Variants in ADNP2 observed in about 807,000 individuals in gnomAD.
ADNP2 encodes the protein ADNP homeobox 2, also known as activity-dependent neuroprotector homeobox protein 2.
In ADNP2, 8 loss-of-function variants were observed where a neutral mutation model predicts 16.4. The observed-to-expected ratio is 0.49, with a 90% confidence interval of 0.29 to 0.88. ADNP2 has a LOEUF of 0.88. Among genes scored for constraint, ADNP2 ranks in the 40% least tolerant of loss-of-function variants. The pLI is 0.09. For synonymous variants in ADNP2, 637 were observed against 545.8 expected (o/e 1.17, Z -2.33); for missense variants, 1,397 against 1,395.1 (o/e 1.00, Z -0.02).
At chr18:80,122,214 C>T (rs1013881526) in intron 2 of ADNP2, among the ~76,000 whole-genome samples, 1 of 152,144 alleles carries the variant, frequency 6.6e-6, no homozygotes, top group African/African-American at 2.4e-5. Flanking sequence ...GCCACTGTGC[C>T]CGGCACCTAT....
chr18:80,137,254 C>T lies in ADNP2; in HGVS notation c.1841C>T (p.Thr614Ile). ...PTGKQVNGIPTYTLAPVSVTL... is the reference protein window; with the variant it reads ...PTGKQVNGIPIYTLAPVSVTL... Reference sequence around the variant, plus strand: ...GGGAAACAAGTGAATGGGATTCCAACCTACACGCTGGCCCCCGTGTCTGTC... The same window carrying T: ...GGGAAACAAGTGAATGGGATTCCAATCTACACGCTGGCCCCCGTGTCTGTC... Residue 614 changes from threonine to isoleucine, a missense_variant, in exon 4 of 4, where the codon ACC becomes ATC. Around this residue, in one of 3 missense-constraint regions of ADNP2, gnomAD observed 611 missense variants for 648.7 expected, o/e 0.94. Transcript: ENST00000262198. This position sits in a 1 kb window ranked among gnomAD's most constrained non-coding sequence, Gnocchi z 4.2. 6.2e-7 allele frequency: 1 copy of T among 1,614,176 alleles called. No homozygotes were observed. The highest frequency in any genetic ancestry group is 8.5e-7 in the Non-Finnish European group (1 of 1,180,038).
chr18:80,135,626 G>A lies in ADNP2; in HGVS notation c.213G>A (p.Lys71=), dbSNP rs2052526501. The change falls in exon 4 of 4, where the codon AAG becomes AAA. Residue 71 remains lysine (K), a synonymous_variant. Coordinates refer to ENST00000262198, the MANE Select transcript of ADNP2 (RefSeq NM_014913.4). ...TCTTTTAACAGAGATATCGAACAAAGCCATACTGTTGTGGCCTCTGTAAAT... is the reference window on the plus strand; with the variant it reads ...TCTTTTAACAGAGATATCGAACAAAACCATACTGTTGTGGCCTCTGTAAAT... ...PSGKKVRYRT[K]PYCCGLCKYS... is the part of the protein sequence containing the mutation. 1 of 1,612,324 alleles carries A rather than the reference G, an allele frequency of 6.2e-7. No homozygotes were observed. Among genetic ancestry groups the A allele is most frequent in the Admixed American group, 1.7e-5 (1 of 59,848 alleles).
At chr18:80,113,742 A>T (rs932920865) in intron 1 of ADNP2, among the ~76,000 whole-genome samples, 1 of 152,210 alleles carries the variant, frequency 6.6e-6, no homozygotes, top group Non-Finnish European at 1.5e-5. Context: ...AAATGGATAT[A>T]TAAGTAGATA....
intron 2 of ADNP2, among the ~76,000 whole-genome samples, chr18:80,129,912 C>T (rs1316763541): frequency 2.6e-5 from 4 of 152,170 alleles, no homozygotes; most frequent in Non-Finnish European, 4.4e-5. Flanking sequence ...TCTGTAAACT[C>T]TTGTTTTACT....
chr18:80,129,921 C>T (rs535526641), intron 2 of ADNP2, among the ~76,000 whole-genome samples: 17 of 152,332 alleles, frequency 1.1e-4, no homozygotes, highest in Admixed American at 7.2e-4. Flanking sequence ...TCTTGTTTTA[C>T]TCAGCAGTTG....
chr18:80,115,880 A>G (rs1045191201), intron 1 of ADNP2, among the ~76,000 whole-genome samples: 3 of 152,040 alleles, frequency 2.0e-5, no homozygotes, highest in Non-Finnish European at 2.9e-5. Flanking sequence ...GGGTCAAGCA[A>G]TTCTCTTGCC....
At chr18:80,116,196 T>C (rs1349424672) in intron 1 of ADNP2, among the ~76,000 whole-genome samples, 4 of 152,254 alleles carry the variant, frequency 2.6e-5, no homozygotes, top group African/African-American at 9.6e-5. Context: ...GTAGCATGTA[T>C]GTATTTCATT....
Position 80,135,757 on chromosome 18 carries a change from C to G in ADNP2, c.344C>G (p.Ser115Cys), listed in dbSNP as rs201417732. 7.4e-6 allele frequency: 12 copies of G among 1,614,218 alleles called. No homozygotes were observed. The highest frequency in any genetic ancestry group is 2.5e-6 in the Non-Finnish European group (3 of 1,180,046). The change falls in exon 4 of 4, where the codon TCT becomes TGT. Residue 115 changes from serine to cysteine, a missense_variant. Around this residue, in one of 3 missense-constraint regions of ADNP2, gnomAD observed 777 missense variants for 719.4 expected, o/e 1.08. Transcript: ENST00000262198. ...CCTTGCCCAAACTGTGTATTTGCAT[C>G]TCAGCCCAAAGTTGTGGGAAGGCAC... The part of the protein sequence containing the change: ...VIPCPNCVFA[S>C]QPKVVGRHFR...
chr18:80,110,169 C>G (rs543439651), intron 1 of ADNP2: 3 of 152,304 alleles, frequency 2.0e-5, no homozygotes, highest in African/African-American at 4.8e-5. Flanking sequence ...TTGACTTTAA[C>G]ATTACTTTTC....
At position 80,137,648 on chromosome 18, in the gene ADNP2, A is replaced by T; in HGVS notation, c.2235A>T (p.Lys745Asn). ...CATTTCTAAAGTGGATGAGAGAGAA[A>T]ACGGTGCGATGTCTGTCTTGTAAGT... The part of the protein sequence containing the change: ...CAPFLKWMRE[K>N]TVRCLSCKCL... The change falls in exon 4 of 4, where the codon AAA becomes AAT. Residue 745 changes from lysine (K) to asparagine (N), a missense_variant. Physicochemically the swap from Lys to Asn is moderately conservative, Grantham distance 94. This residue lies in a region of ADNP2 where 611 missense variants were observed against 648.7 expected (regional missense o/e 0.94). Transcript: ENST00000262198. The surrounding 1 kb of genome is among the most constrained non-coding windows in gnomAD (Gnocchi z 4.2). 2 of 1,614,188 alleles carry T rather than the reference A, an allele frequency of 1.2e-6. No individual in the cohort carries two copies. Among genetic ancestry groups the T allele is most frequent in the Non-Finnish European group, 1.7e-6 (2 of 1,180,024 alleles).
intron 2 of ADNP2, among the ~76,000 whole-genome samples, chr18:80,123,162 A>G (rs778436206): frequency 2.0e-5 from 3 of 152,024 alleles, no homozygotes; most frequent in Non-Finnish European, 4.4e-5. Context: ...CATTCTTGGG[A>G]TGGAATGCAC....
intron 2 of ADNP2, among the ~76,000 whole-genome samples, chr18:80,128,106 G>A (rs1599815014): frequency 6.6e-6 from 1 of 152,148 alleles, no homozygotes; most frequent in African/African-American, 2.4e-5. Context: ...TTACTGTGGG[G>A]CTCTTGTTAA....
At chr18:80,133,017 G>T in intron 2 of ADNP2, 86 bp from the exon 3 acceptor site, 1 of 976,102 alleles carries the variant, frequency 1.0e-6, no homozygotes, top group African/African-American at 1.7e-5. Context: ...CACTATGCCC[G>T]GCCTTATAAT....
chr18:80,123,217 T>C (rs1034160991), intron 2 of ADNP2, among the ~76,000 whole-genome samples: 1 of 152,208 alleles, frequency 6.6e-6, no homozygotes, highest in Non-Finnish European at 1.5e-5. Context: ...CTGTTGAATT[T>C]GGTTTGCTAG....
rs531572112 is a variant in ADNP2 at position 80,139,333 on chromosome 18, T to G, written c.*524T>G. The G allele has an allele frequency of 5.9e-5, 9 of 152,312 alleles. No individual in the cohort carries two copies. The South Asian group carries it at 1.9e-3, about 32-fold the overall frequency. The allele number at this position is 152,312 out of a possible 1,614,324, so 9.4% of individuals were successfully genotyped here. ...TGCACTGCATTAACTTACGCTGACT[T>G]CTTTGTAAGATCTTTGCTTATAGAT... On this transcript the variant is annotated 3_prime_UTR_variant, in exon 4 of 4. Transcript: ENST00000262198.
At chr18:80,132,981 A>C in intron 2 of ADNP2, 122 bp from the exon 3 acceptor site, 1 of 735,518 alleles carries the variant, frequency 1.4e-6, no homozygotes, top group Non-Finnish European at 2.3e-6. Context: ...TCAACCTCCC[A>C]AAGTGCTGGG....
intron 1 of ADNP2, among the ~76,000 whole-genome samples, chr18:80,115,384 G>A (rs905704282): frequency 6.6e-6 from 1 of 152,174 alleles, no homozygotes; most frequent in Admixed American, 6.5e-5. Flanking sequence ...AGGAATTCAG[G>A]TTTGAGCCCT....
intron 2 of ADNP2, among the ~76,000 whole-genome samples, chr18:80,130,751 C>T (rs1482592478): frequency 6.6e-6 from 1 of 151,176 alleles, no homozygotes; most frequent in African/African-American, 2.4e-5. Context: ...CCCCCCCGCC[C>T]ACGTCAGGTC....
At position 80,136,153 on chromosome 18, in the gene ADNP2, T is replaced by G; in HGVS notation, c.740T>G (p.Leu247Arg). 1 of 1,614,238 alleles carries G rather than the reference T, an allele frequency of 6.2e-7. No homozygotes were observed. Among genetic ancestry groups the G allele is most frequent in the Non-Finnish European group, 8.5e-7 (1 of 1,180,034 alleles). ...SDIHRDLENKLRSVISEHIKR... is the reference protein window; with the variant it reads ...SDIHRDLENKRRSVISEHIKR... ...ATACACAGAGATTTGGAGAATAAGC[T>G]TAGATCTGTGATTTCAGAACATATT... The change falls in exon 4 of 4, where the codon CTT (leucine) becomes CGT (arginine). Residue 247 changes from leucine (L) to arginine (R), a missense_variant. Transcript: ENST00000262198.
Sources: gnomAD v4.1 joint callset for allele counts (sites outside exome capture counted in the v4.1 genomes callset) on GRCh38, gnomAD v4.1.1 for gene constraint, gnomAD v4.1.1 regional missense constraint, Gnocchi (gnomAD v3.1) non-coding constraint, MANE v1.5 for transcripts, NCBI Gene and HGNC (gene_info 2026-07-23, HGNC 2026-07-21) for gene names.